PTDSS1: variants seen among roughly 807,000 people sequenced by gnomAD.
PTDSS1 encodes the protein PSS-1.
In PTDSS1, 45 loss-of-function variants were observed where a neutral mutation model predicts 70.5. The ratio of observed to expected loss-of-function variants is 0.64; its 90% CI spans 0.50 to 0.82. The LOEUF (loss-of-function observed/expected upper bound fraction) is 0.82. Among genes scored for constraint, PTDSS1 ranks in the 40% least tolerant of loss-of-function variants. The probability of loss-of-function intolerance (pLI) is 0.00; values close to 1 mark genes in which losing one functional copy is unlikely to be tolerated. For missense variants in PTDSS1, 417 were observed against 586.1 expected, an observed-to-expected ratio of 0.71 and a Z score of 2.98; for synonymous variants, 188 against 203.8, an observed-to-expected ratio of 0.92 and a Z score of 0.66.
At chr8:96,305,670 C>T (rs747544681) in intron 7 of PTDSS1, among the ~76,000 whole-genome samples, 1 of 152,146 alleles carries the variant, frequency 6.6e-6, no homozygotes, top group Non-Finnish European at 1.5e-5. Context: ...TCAGATGTGT[C>T]TCCAGCTTCT....
chr8:96,333,465 G>T lies in PTDSS1; in HGVS notation c.1321G>T (p.Asp441Tyr). 6.2e-7 allele frequency: 1 copy of T among 1,613,538 alleles called. No individual in the cohort carries two copies. Among genetic ancestry groups the T allele is most frequent in the South Asian group, 1.1e-5 (1 of 91,068 alleles). The change falls in exon 13 of 13, where the codon GAC (aspartate) becomes TAC (tyrosine). Residue 441 changes from aspartate to tyrosine, a missense_variant. Around this residue, in one of 3 missense-constraint regions of PTDSS1, gnomAD observed 107 missense variants for 122.3 expected, o/e 0.88. Coordinates refer to ENST00000517309, the MANE Select transcript of PTDSS1 (RefSeq NM_014754.3). ...CTGATTCCTTTGGCCAGGTTCTGAA[G>T]ACAGCCCACCCAAGCATGCAGGCAA... ...HHRKGTKGSE[D>Y]SPPKHAGNNE... is the part of the protein sequence containing the mutation.
chr8:96,319,382 C>A (rs1351244710), intron 9 of PTDSS1, among the ~76,000 whole-genome samples: 1 of 152,044 alleles, frequency 6.6e-6, no homozygotes, highest in African/African-American at 2.4e-5. Flanking sequence ...ATTCTTACCT[C>A]CAAGTCCTGA....
chr8:96,335,096 C>T lies in PTDSS1; in HGVS notation c.*1530C>T, dbSNP rs79890965. The T allele has an allele frequency of 3.5e-3, 537 of 152,228 alleles. 2 individuals carry two copies. The highest frequency in any genetic ancestry group is 5.4e-3 in the Non-Finnish European group (370 of 68,008). 9.4% of individuals were successfully genotyped at this position (152,228 alleles called of 1,614,324 possible). A position where few individuals can be genotyped will look rare whatever the true frequency, so the allele number is the denominator to read the frequency against. On this transcript the variant is annotated 3_prime_UTR_variant, in exon 13 of 13. Transcript: ENST00000517309. ...AGTGGAGAAGCGTCAGTGGCAGCTC[C>T]GCTCACTTGGTGAGTGAGGGATTTG...
chr8:96,293,806 A>G (rs1242007884), intron 4 of PTDSS1, among the ~76,000 whole-genome samples: 1 of 152,184 alleles, frequency 6.6e-6, no homozygotes, highest in Non-Finnish European at 1.5e-5. Context: ...AACCCTACAC[A>G]GTGTATTCCA....
At chr8:96,300,525 C>T (rs765723971) in intron 6 of PTDSS1, among the ~76,000 whole-genome samples, 3 of 152,112 alleles carry the variant, frequency 2.0e-5, no homozygotes, top group African/African-American at 7.2e-5. Flanking sequence ...ACAGTCATAC[C>T]GCCGGCATTG....
At chr8:96,309,663 GC>G (rs751073443) in intron 9 of PTDSS1, 41 bp downstream of exon 9, 2 of 1,600,910 alleles carry the variant, frequency 1.2e-6, no homozygotes, top group Admixed American at 1.7e-5. Context: ...AACCACTTAA[GC>G]CCTAATTTTA....
In PTDSS1 at chr8:96,296,883, C is replaced by T. The variant is rs80293957; in HGVS notation, c.600+1627C>T. On this transcript the variant is annotated intron_variant, in intron 5 of 12. Coordinates refer to ENST00000517309, the MANE Select transcript of PTDSS1 (RefSeq NM_014754.3). ...CCGCTGCATAGGCTTGTGTCAGGCA[C>T]CTGGCCCTTGTCGGCCTCGCTTGCT... Among the ~76,000 whole-genome samples, 904 of 152,334 alleles carry T rather than the reference C, an allele frequency of 5.9e-3. 5 individuals carry two copies. The highest frequency in any genetic ancestry group is 7.3e-3 in the Non-Finnish European group (498 of 68,032).
chr8:96,333,115 G>A (rs1811541441), intron 12 of PTDSS1, among the ~76,000 whole-genome samples: 1 of 152,184 alleles, frequency 6.6e-6, no homozygotes, highest in African/African-American at 2.4e-5. Context: ...CGTGGTGTGT[G>A]TTTTAATTGC....
At chr8:96,309,462 G>A in intron 8 of PTDSS1, 95 bp from the exon 9 acceptor site, 5 of 1,101,810 alleles carry the variant, frequency 4.5e-6, no homozygotes, top group Non-Finnish European at 6.9e-6. Context: ...ATGGGACAAG[G>A]AGGGACGTTT....
intron 4 of PTDSS1, among the ~76,000 whole-genome samples, chr8:96,290,867 T>C (rs116692228): frequency 0.027 from 4,000 of 146,028 alleles, 174 homozygotes; most frequent in African/African-American, 0.096. Context: ...TTATATAATA[T>C]AAATATTCAT....
intron 4 of PTDSS1, among the ~76,000 whole-genome samples, chr8:96,290,200 A>C (rs1036459292): frequency 2.0e-5 from 3 of 152,238 alleles, no homozygotes; most frequent in African/African-American, 7.2e-5. Context: ...AGTTATAAAA[A>C]TAAGTGCTTT....
chr8:96,317,017 G>A (rs941289313), intron 9 of PTDSS1, among the ~76,000 whole-genome samples: 1 of 132,948 alleles, frequency 7.5e-6, no homozygotes, highest in African/African-American at 2.8e-5. Context: ...ATATGTATGT[G>A]TATATATATA....
chr8:96,312,425 C>T (rs569948347), intron 9 of PTDSS1, among the ~76,000 whole-genome samples: 3 of 151,064 alleles, frequency 2.0e-5, no homozygotes, highest in South Asian at 4.2e-4. Context: ...TGCCTCTGCA[C>T]TCCCACCCGG....
At chr8:96,289,021 A>G (rs1810864965) in intron 4 of PTDSS1, among the ~76,000 whole-genome samples, 3 of 149,010 alleles carry the variant, frequency 2.0e-5, no homozygotes, top group Admixed American at 1.3e-4. Context: ...TGTAACCTCC[A>G]CCTCCCTGGT....
intron 1 of PTDSS1, among the ~76,000 whole-genome samples, chr8:96,272,300 T>A (rs986017191): frequency 2.6e-5 from 4 of 152,222 alleles, no homozygotes; most frequent in African/African-American, 7.2e-5. Flanking sequence ...CAGTATTTTT[T>A]AAAATTTTTT....
intron 2 of PTDSS1, among the ~76,000 whole-genome samples, chr8:96,281,995 T>C (rs1405717244): frequency 6.6e-6 from 1 of 152,250 alleles, no homozygotes; most frequent in Non-Finnish European, 1.5e-5. Context: ...CCTGTCGTTA[T>C]GATTGCTCTT....
chr8:96,296,704 C>T (rs1447768575), intron 5 of PTDSS1, among the ~76,000 whole-genome samples: 3 of 152,192 alleles, frequency 2.0e-5, no homozygotes, highest in African/African-American at 7.2e-5. Flanking sequence ...CCGGGAAAGG[C>T]GGTGCATATA....
At chr8:96,294,992 T>C in intron 4 of PTDSS1, 106 bp from the exon 5 acceptor site, 1 of 1,091,024 alleles carries the variant, frequency 9.2e-7, no homozygotes, top group Non-Finnish European at 1.3e-6. Context: ...GAGCAGGACT[T>C]ATTTGTTGTC....
chr8:96,271,880 T>C (rs1414963115), intron 1 of PTDSS1, among the ~76,000 whole-genome samples: 1 of 152,212 alleles, frequency 6.6e-6, no homozygotes, highest in East Asian at 1.9e-4. Flanking sequence ...AGGTAGACTT[T>C]TAAAACGGTC....
Sources: gnomAD v4.1 joint callset for allele counts (sites outside exome capture counted in the v4.1 genomes callset) on GRCh38, gnomAD v4.1.1 for gene constraint, gnomAD v4.1.1 regional missense constraint, MANE v1.5 for transcripts, NCBI Gene and HGNC (gene_info 2026-07-23, HGNC 2026-07-21) for gene names.